The following F8 variants were observed in gnomAD, a reference collection of about 807,000 sequenced individuals.
F8 encodes coagulation factor VIII.
In F8, 12 loss-of-function variants were observed where a neutral mutation model predicts 140.6. The observed-to-expected ratio is 0.09, with a 90% confidence interval of 0.05 to 0.14. The LOEUF is 0.14. F8 is among the 10% of genes least tolerant of loss of function. F8 has a pLI of 1.00. For synonymous variants in F8, 585 were observed against 614.6 expected (o/e 0.95, Z 0.71); for missense variants, 1,354 against 1,720.7 (o/e 0.79, Z 3.77).
chrX:154,874,010 C>T (rs2072794017), intron 22 of F8, among the ~76,000 whole-genome samples: 1 of 112,293 alleles, frequency 8.9e-6, no homozygotes, highest in Non-Finnish European at 1.9e-5. Flanking sequence ...AAACTAAAAA[C>T]TTTCTGCACA....
intron 1 of F8, among the ~76,000 whole-genome samples, chrX:155,017,586 T>C (rs1440442031): frequency 8.9e-6 from 1 of 112,640 alleles, no homozygotes; most frequent in African/African-American, 3.2e-5. Flanking sequence ...TGCTATACCA[T>C]TTTACAATGT....
chrX:154,899,039 C>G (rs1035706696), intron 21 of F8, among the ~76,000 whole-genome samples: 2 of 112,143 alleles, frequency 1.8e-5, no homozygotes, highest in African/African-American at 3.2e-5. Context: ...TAGGGATACA[C>G]TTAAGGTTGA....
chrX:154,952,283 A>C (rs1557280791), intron 12 of F8, among the ~76,000 whole-genome samples: 1 of 111,939 alleles, frequency 8.9e-6, no homozygotes, highest in Non-Finnish European at 1.9e-5. Context: ...CAATACCCTG[A>C]ACTATGTAAA....
chrX:154,945,195 C>T (rs781934714), intron 13 of F8, among the ~76,000 whole-genome samples: 20 of 110,872 alleles, frequency 1.8e-4, no homozygotes, highest in African/African-American at 6.6e-4. Context: ...CTAATACCAG[C>T]TCTTCACAAA....
At chrX:154,890,340 C>T (rs1352905683) in intron 22 of F8, among the ~76,000 whole-genome samples, 5 of 112,004 alleles carry the variant, frequency 4.5e-5, no homozygotes, top group African/African-American at 1.3e-4. Flanking sequence ...AGGAATGAAC[C>T]TCATGAGAGT....
intron 1 of F8, among the ~76,000 whole-genome samples, chrX:155,012,990 T>C (rs1361869937): frequency 1.9e-5 from 2 of 107,646 alleles, no homozygotes; most frequent in South Asian, 4.1e-4. Flanking sequence ...ACTATCAGTA[T>C]AAAAAATTAG....
chrX:154,865,608 C>T (rs1379761124), intron 22 of F8, among the ~76,000 whole-genome samples: 1 of 109,519 alleles, frequency 9.1e-6, no homozygotes, highest in Admixed American at 9.8e-5. Flanking sequence ...TATAGAGTTT[C>T]TGTATGTGAT....
chrX:154,999,176 G>T, intron 2 of F8, among the ~76,000 whole-genome samples: 1 of 110,152 alleles, frequency 9.1e-6, no homozygotes, highest in Non-Finnish European at 1.9e-5. Context: ...TAGAATAAGG[G>T]GATACTTCCC....
At chrX:154,999,995 A>T (rs1415637864) in intron 1 of F8, among the ~76,000 whole-genome samples, 1 of 112,222 alleles carries the variant, frequency 8.9e-6, no homozygotes, top group African/African-American at 3.2e-5. Flanking sequence ...ATTACCTTTC[A>T]GCAGACTATG....
intron 22 of F8, among the ~76,000 whole-genome samples, chrX:154,869,922 A>C (rs782641220): frequency 8.7e-4 from 98 of 112,434 alleles, no homozygotes; most frequent in Non-Finnish European, 1.3e-3. Context: ...AAACACGTCT[A>C]TGCAGATAAA....
At chrX:154,956,057 T>G (rs1347927647) in intron 11 of F8, among the ~76,000 whole-genome samples, 1 of 111,992 alleles carries the variant, frequency 8.9e-6, no homozygotes, top group Admixed American at 9.4e-5. Flanking sequence ...TGCATTCTTT[T>G]CCCAGGGCTG....
intron 6 of F8, among the ~76,000 whole-genome samples, chrX:154,982,316 G>A (rs1296207296): frequency 6.7e-5 from 7 of 104,390 alleles, no homozygotes; most frequent in African/African-American, 1.0e-4. Context: ...TCGAGGTGGC[G>A]GGCGCCTGTA....
intron 2 of F8, 95 bp from the exon 3 acceptor site, chrX:154,997,190 G>T: frequency 9.9e-7 from 1 of 1,006,094 alleles, no homozygotes; most frequent in Admixed American, 2.2e-5. Flanking sequence ...CAGTGGAGAA[G>T]CATGCCCCTG....
At chrX:154,902,211 A>G in intron 18 of F8, 44 bp from the exon 19 acceptor site, 1 of 961,910 alleles carries the variant, frequency 1.0e-6, no homozygotes, top group Non-Finnish European at 1.5e-6. Context: ...TTTTCACTAA[A>G]AAATGAGCAT....
intron 22 of F8, among the ~76,000 whole-genome samples, chrX:154,872,474 C>T (rs1366590904): frequency 2.8e-5 from 3 of 106,009 alleles, no homozygotes; most frequent in Non-Finnish European, 5.8e-5. Context: ...TGCATGTTCT[C>T]ACTCATAAGT....
intron 14 of F8, chrX:154,919,475 A>G (rs2073117967): frequency 8.5e-6 from 2 of 235,403 alleles, no homozygotes; most frequent in Admixed American, 1.2e-4. Flanking sequence ...AAGTAGCAGC[A>G]AAAGTGTCCA....
chrX:155,013,891 C>A (rs1557286847), intron 1 of F8, among the ~76,000 whole-genome samples: 1 of 111,243 alleles, frequency 9.0e-6, no homozygotes, highest in Admixed American at 9.5e-5. Flanking sequence ...AGAGAACCTT[C>A]TCTCTTCTTA....
intron 1 of F8, among the ~76,000 whole-genome samples, chrX:155,018,791 G>T (rs1271701106): frequency 8.9e-6 from 1 of 112,135 alleles, no homozygotes; most frequent in African/African-American, 3.2e-5. Context: ...GCCTGGAGGG[G>T]TGATTAAAGA....
chrX:154,976,666 T>C (rs996002065), intron 6 of F8, among the ~76,000 whole-genome samples: 1 of 102,452 alleles, frequency 9.8e-6, no homozygotes, highest in East Asian at 3.1e-4. Context: ...TGAGTGAGAA[T>C]ATGCGGTCCA....
Sources: allele counts gnomAD v4.1 joint callset (sites outside exome capture counted in the v4.1 genomes callset), GRCh38; gene constraint gnomAD v4.1.1; transcripts MANE v1.5; gene names NCBI Gene and HGNC (gene_info 2026-07-23, HGNC 2026-07-21).